PBX1: variants seen among roughly 807,000 people sequenced by gnomAD.
PBX1 encodes PBX homeobox 1.
Under a neutral mutation model 53.4 loss-of-function variants are expected in PBX1, and 6 were observed. The observed-to-expected ratio is 0.11, with a 90% CI of 0.06 to 0.22. PBX1 has a LOEUF of 0.22. PBX1 is among the 10% of genes least tolerant of loss of function. The pLI is 1.00. For synonymous variants in PBX1, 204 were observed against 212.3 expected, an observed-to-expected ratio of 0.96 and a Z score of 0.34; for missense variants, 251 against 551.4, an observed-to-expected ratio of 0.46 and a Z score of 5.46.
intron 2 of PBX1, among the ~76,000 whole-genome samples, chr1:164,638,743 T>C (rs990464959): frequency 3.3e-5 from 5 of 152,214 alleles, no homozygotes; most frequent in African/African-American, 4.8e-5. Flanking sequence ...CCGTCACACA[T>C]GACATTCTTG....
chr1:164,829,227 A>G (rs1259202313), intron 8 of PBX1: 1 of 152,212 alleles, frequency 6.6e-6, no homozygotes. Context: ...ATTATTTTCA[A>G]AAATTTGGTG....
At chr1:164,707,827 C>G (rs1663528774) in intron 2 of PBX1, among the ~76,000 whole-genome samples, 1 of 152,122 alleles carries the variant, frequency 6.6e-6, no homozygotes, top group Admixed American at 6.5e-5. Context: ...TTTAATTTCC[C>G]ACTAAATAGA....
intron 4 of PBX1, among the ~76,000 whole-genome samples, chr1:164,804,420 A>G (rs181279662): frequency 1.2e-3 from 189 of 152,286 alleles, no homozygotes; most frequent in African/African-American, 3.7e-3. Context: ...ATAGCTATTT[A>G]TTTTTAAATT....
chr1:164,592,594 G>A (rs1316270259), intron 2 of PBX1, among the ~76,000 whole-genome samples: 3 of 152,224 alleles, frequency 2.0e-5, no homozygotes, highest in African/African-American at 7.2e-5. Context: ...TTGGGGCAGA[G>A]TCTAGCCTGG....
intron 2 of PBX1, among the ~76,000 whole-genome samples, chr1:164,571,916 T>C (rs1272085634): frequency 1.1e-5 from 1 of 90,228 alleles, no homozygotes; most frequent in Admixed American, 1.3e-4. Flanking sequence ...TATATATATA[T>C]GCTTTTTTTT....
chr1:164,576,824 G>C (rs1654278206), intron 2 of PBX1: 2 of 152,302 alleles, frequency 1.3e-5, no homozygotes, highest in Admixed American at 6.5e-5. Context: ...CTGAGGCAGA[G>C]GGGTGCCTGC....
intron 2 of PBX1, among the ~76,000 whole-genome samples, chr1:164,580,498 T>TCAAG (rs1654535451): frequency 6.6e-6 from 1 of 152,130 alleles, no homozygotes; most frequent in Admixed American, 6.5e-5. Context: ...CAGGCTGGTC[T>TCAAG]TGAACTCCTG....
intron 8 of PBX1, among the ~76,000 whole-genome samples, chr1:164,840,048 G>A (rs1257965774): frequency 1.3e-5 from 2 of 152,134 alleles, no homozygotes; most frequent in Admixed American, 6.6e-5. Flanking sequence ...TTCCAGAGCA[G>A]TATTCCAATA....
intron 2 of PBX1, among the ~76,000 whole-genome samples, chr1:164,882,556 T>C (rs1672685596): frequency 6.6e-6 from 1 of 152,138 alleles, no homozygotes; most frequent in Non-Finnish European, 1.5e-5. Flanking sequence ...AGGGCTAGAG[T>C]ACTTTCTACT....
intron 2 of PBX1, among the ~76,000 whole-genome samples, chr1:164,613,160 TTTTA>T (rs1376553286): frequency 2.0e-5 from 3 of 152,218 alleles, no homozygotes; most frequent in Admixed American, 1.3e-4. Context: ...TGCACCTTGC[TTTTA>T]TTTATTTATG....
chr1:164,718,843 A>G (rs1664256624), intron 2 of PBX1, among the ~76,000 whole-genome samples: 1 of 152,234 alleles, frequency 6.6e-6, no homozygotes. Flanking sequence ...AGATTTCAAA[A>G]TGTAAAAATG....
intron 2 of PBX1, among the ~76,000 whole-genome samples, chr1:164,628,867 C>T (rs955823339): frequency 6.6e-6 from 1 of 152,144 alleles, no homozygotes; most frequent in Non-Finnish European, 1.5e-5. Flanking sequence ...TACAGCACCC[C>T]TTACACCGTC....
chr1:164,873,035 G>A (rs1483758013), intron 2 of PBX1, among the ~76,000 whole-genome samples: 2 of 152,190 alleles, frequency 1.3e-5, no homozygotes, highest in Non-Finnish European at 2.9e-5. Flanking sequence ...TACAAAGAAT[G>A]TGTTATAATC....
intron 2 of PBX1, among the ~76,000 whole-genome samples, chr1:164,744,465 ACCAACATTTTTGTAG>A (rs1665786305): frequency 6.6e-6 from 1 of 152,198 alleles, no homozygotes; most frequent in Admixed American, 6.5e-5. Context: ...TCATGGTTAT[ACCAACATTTTTGTAG>A]CCTCCATAGG....
chr1:164,765,606 A>T (rs1667022263), intron 2 of PBX1, among the ~76,000 whole-genome samples: 1 of 152,196 alleles, frequency 6.6e-6, no homozygotes, highest in Admixed American at 6.5e-5. Flanking sequence ...TACACATGTT[A>T]ACTCATTTAA....
At chr1:164,704,261 T>C (rs1003424313) in intron 2 of PBX1, among the ~76,000 whole-genome samples, 57 of 152,218 alleles carry the variant, frequency 3.7e-4, no homozygotes, top group Admixed American at 3.7e-3. Context: ...GTTGCCAACA[T>C]TCAAACCTTT....
At chr1:164,625,931 T>C (rs1658004937) in intron 2 of PBX1, 2 of 1,031,240 alleles carry the variant, frequency 1.9e-6, no homozygotes, top group East Asian at 1.2e-4. Context: ...TGTGACAGAA[T>C]TGAAGGAGGC....
intron 2 of PBX1, among the ~76,000 whole-genome samples, chr1:164,776,935 G>GT (rs58061173): frequency 2.2e-4 from 22 of 98,276 alleles, no homozygotes; most frequent in African/African-American, 6.1e-4. Context: ...GTGTGTGTGT[G>GT]GTGGGAGGAG....
intron 2 of PBX1, among the ~76,000 whole-genome samples, chr1:164,672,657 T>C (rs1375831663): frequency 6.6e-6 from 1 of 152,226 alleles, no homozygotes; most frequent in Non-Finnish European, 1.5e-5. Flanking sequence ...TAAAAAGATA[T>C]TCACCTCCTC....
Sources: gnomAD v4.1 joint callset for allele counts (sites outside exome capture counted in the v4.1 genomes callset) on GRCh38, gnomAD v4.1.1 for gene constraint, MANE v1.5 for transcripts, NCBI Gene and HGNC (gene_info 2026-07-23, HGNC 2026-07-21) for gene names.